Variants in SLC35E1 observed in about 807,000 individuals in gnomAD.
SLC35E1 encodes the protein solute carrier family 35 member E1, also known as solute carrier family 35, member E1.
Under a neutral mutation model 31.0 loss-of-function variants are expected in SLC35E1, and 12 were observed. That is an observed-to-expected ratio of 0.39 (90% CI 0.25 to 0.63). SLC35E1 has a LOEUF of 0.63. Ranked by LOEUF, SLC35E1 falls within the 20% of genes least tolerant of loss-of-function variation. The pLI is 0.52. For synonymous variants in SLC35E1, 257 were observed against 264.1 expected, an observed-to-expected ratio of 0.97 and a Z score of 0.26; for missense variants, 429 against 572.2, an observed-to-expected ratio of 0.75 and a Z score of 2.55.
In SLC35E1 at chr19:16,552,901, TCAC is replaced by T. The variant is rs1336849563; in HGVS notation, c.*775_*777del. Reference sequence around the variant, plus strand: ...GAACACGATTTCTCGAAGATCCTTCTCACCACCCCAAGAGAAGCGCCCTGCTCT... The same window carrying T: ...GAACACGATTTCTCGAAGATCCTTCTCACCCCAAGAGAAGCGCCCTGCTCT... On this transcript the variant is annotated 3_prime_UTR_variant, in exon 6 of 6. Coordinates refer to ENST00000595753, the MANE Select transcript of SLC35E1 (RefSeq NM_024881.5). 6.6e-6 allele frequency: 1 copy of T among 152,156 alleles called. No individual in the cohort carries two copies. Among genetic ancestry groups the T allele is most frequent in the Admixed American group, 6.6e-5 (1 of 15,266 alleles). 9.4% of individuals were successfully genotyped at this position (152,156 alleles called of 1,614,324 possible).
chr19:16,567,962 C>A, intron 3 of SLC35E1, 70 bp downstream of exon 3: 2 of 1,467,518 alleles, frequency 1.4e-6, no homozygotes, highest in South Asian at 1.4e-5. Context: ...GCCTGTTTTC[C>A]CAATGCCACC....
Position 16,566,444 on chromosome 19 carries a change from T to C in SLC35E1, c.756+88A>G, listed in dbSNP as rs758664061. On this transcript the variant is annotated intron_variant, in intron 4 of 5. Transcript: ENST00000595753. ...GTCAGGTGCCCAAAAGATACCACAA[T>C]GTTAACATGCAGCTACAGCTCCTCA... 34 of 1,571,288 alleles carry C rather than the reference T, an allele frequency of 2.2e-5. No homozygotes were observed. The African/African-American group carries it at 3.3e-4, about 15-fold the overall frequency.
intron 3 of SLC35E1, 60 bp from the exon 4 acceptor site, chr19:16,566,717 A>G: frequency 6.4e-7 from 1 of 1,565,878 alleles, no homozygotes; most frequent in East Asian, 2.3e-5. Context: ...AAAGGGCTCC[A>G]GTGACTCAGG....
At chr19:16,556,438 G>A (rs1229982079) in intron 4 of SLC35E1, among the ~76,000 whole-genome samples, 1 of 152,148 alleles carries the variant, frequency 6.6e-6, no homozygotes, top group East Asian at 1.9e-4. Context: ...GAGCCTAGGA[G>A]TTCAAGGCTA....
chr19:16,561,239 A>AAAAAAAAAAAAAAAAAAAAAAAAAG (rs1189145208), intron 4 of SLC35E1, among the ~76,000 whole-genome samples: 2 of 140,974 alleles, frequency 1.4e-5, no homozygotes, highest in Non-Finnish European at 3.1e-5. Context: ...AAAAAAAAAA[A>AAAAAAAAAAAAAAAAAAAAAAAAAG]AAAAGAAAGA....
intron 4 of SLC35E1, among the ~76,000 whole-genome samples, chr19:16,560,881 C>CAAAAAAAAAAAAAAAAAAAAAAAA (rs1304202019): frequency 1.5e-5 from 1 of 68,058 alleles, no homozygotes; most frequent in African/African-American, 6.0e-5. Flanking sequence ...AAAAAAAAAC[C>CAAAAAAAAAAAAAAAAAAAAAAAA]AAAAAAAAAA....
At chr19:16,556,801 C>T in intron 4 of SLC35E1, 1 of 465,786 alleles carries the variant, frequency 2.1e-6, no homozygotes, top group South Asian at 1.6e-5. Context: ...CTGACTCCAT[C>T]TCCACTGCAC....
intron 4 of SLC35E1, among the ~76,000 whole-genome samples, chr19:16,559,485 CACACACACACACACAG>C (rs1197304189): frequency 6.6e-6 from 1 of 151,252 alleles, no homozygotes; most frequent in African/African-American, 2.4e-5. Flanking sequence ...CACACACACA[CACACACACACACACAG>C]AGTTAACCAG....
intron 5 of SLC35E1, among the ~76,000 whole-genome samples, chr19:16,554,267 GAAAAAAAAA>G (rs778901992): frequency 1.9e-5 from 1 of 51,692 alleles, no homozygotes; most frequent in Non-Finnish European, 3.8e-5. Context: ...CGCTGTCTCA[GAAAAAAAAA>G]AAAAAAAAAA....
In SLC35E1 at chr19:16,550,501, T is replaced by A. The variant is rs1425563923; in HGVS notation, c.*3178A>T. 1 of 152,208 alleles carries A rather than the reference T, an allele frequency of 6.6e-6. No individual in the cohort carries two copies. Among genetic ancestry groups the A allele is most frequent in the African/African-American group, 2.4e-5 (1 of 41,422 alleles). The allele number at this position is 152,208 out of a possible 1,614,324, so 9.4% of individuals were successfully genotyped here. A position where few individuals can be genotyped will look rare whatever the true frequency, so the allele number is the denominator to read the frequency against. ...ATCCTAGCACTTTGGGAGGCCAAGGTGGGCGGATCATTTGAGGCCAGGAGT... is the reference window on the plus strand; with the variant it reads ...ATCCTAGCACTTTGGGAGGCCAAGGAGGGCGGATCATTTGAGGCCAGGAGT... On this transcript the variant is annotated 3_prime_UTR_variant, in exon 6 of 6. Coordinates refer to ENST00000595753, the MANE Select transcript of SLC35E1 (RefSeq NM_024881.5).
In SLC35E1 at chr19:16,571,499, T is replaced by A; in HGVS notation, c.492+13A>T. ...GGAGCTCCCATCTGCCCAGAGTCCC[T>A]GCCCGGGGTTACCTTGGTGCTCTGC... On this transcript the variant is annotated intron_variant, in intron 2 of 5. Coordinates refer to ENST00000595753, the MANE Select transcript of SLC35E1 (RefSeq NM_024881.5). 6.2e-7 allele frequency: 1 copy of A among 1,613,702 alleles called. No homozygotes were observed. The highest frequency in any genetic ancestry group is 8.5e-7 in the Non-Finnish European group (1 of 1,179,750).
chr19:16,560,555 G>A (rs1308124671), intron 4 of SLC35E1, among the ~76,000 whole-genome samples: 1 of 152,056 alleles, frequency 6.6e-6, no homozygotes, highest in African/African-American at 2.4e-5. Flanking sequence ...AGGCAAAAAA[G>A]AAAATAGAAA....
At chr19:16,559,496 ACAC>A (rs1280730618) in intron 4 of SLC35E1, among the ~76,000 whole-genome samples, 2 of 151,108 alleles carry the variant, frequency 1.3e-5, no homozygotes, top group Non-Finnish European at 2.9e-5. Flanking sequence ...ACACACACAC[ACAC>A]AGAGTTAACC....
In SLC35E1 at chr19:16,566,653, A is replaced by G; in HGVS notation, c.635T>C (p.Leu212Ser). The G allele has an allele frequency of 6.2e-7, 1 of 1,611,566 alleles. No homozygotes were observed. The highest frequency in any genetic ancestry group is 8.5e-7 in the Non-Finnish European group (1 of 1,179,712). The stretch of plus-strand genomic sequence containing the variant: ...GAGATGGTGGATCCGTGAATCTCGC[A>G]AGACCTGGAAAGGGAAAGCCTCTTT... ...SLQNIFSKKV[L>S]RDSRIHHLRL... The change falls in exon 4 of 6, where the codon TTG (leucine) becomes TCG (serine). Residue 212 changes from leucine (L) to serine (S), a missense_variant. By Grantham distance (145) the Leu-to-Ser change is moderately radical. Coordinates refer to ENST00000595753, the MANE Select transcript of SLC35E1 (RefSeq NM_024881.5).
chr19:16,557,259 T>A (rs1317956058), intron 4 of SLC35E1: 2 of 264,716 alleles, frequency 7.6e-6, no homozygotes, highest in African/African-American at 2.3e-5. Context: ...AGTGGCGCGA[T>A]CTCTGCTCAC....
intron 2 of SLC35E1, among the ~76,000 whole-genome samples, chr19:16,570,595 C>T (rs1028309015): frequency 1.3e-5 from 2 of 152,192 alleles, no homozygotes; most frequent in African/African-American, 4.8e-5. Context: ...CCTGGCTTGG[C>T]ATCTTGAACA....
At chr19:16,567,984 C>A in intron 3 of SLC35E1, 48 bp downstream of exon 3, 1 of 1,490,108 alleles carries the variant, frequency 6.7e-7, no homozygotes, top group Admixed American at 2.3e-5. Context: ...GTTTGCTGCC[C>A]GCACACCCCT....
intron 4 of SLC35E1, among the ~76,000 whole-genome samples, chr19:16,556,287 T>C (rs2085874733): frequency 6.8e-6 from 1 of 147,496 alleles, no homozygotes; most frequent in African/African-American, 2.5e-5. Flanking sequence ...TCTGGGAGGC[T>C]AAGGAAAAAA....
rs1289293305 is a variant in SLC35E1, at chr19:16,553,831, G to A, written c.1081C>T (p.His361Tyr). The A allele has an allele frequency of 2.5e-6, 4 of 1,614,094 alleles. No individual in the cohort carries two copies. The Admixed American group carries it at 6.7e-5, about 27-fold the overall frequency. The change falls in exon 6 of 6, where the codon CAC (histidine) becomes TAC (tyrosine). Residue 361 changes from histidine to tyrosine, a missense_variant. Transcript: ENST00000595753. ...TGGGGCTTCTCCAGTGGGCTCCGGT[G>A]ACGCTCCTTGCTGCTCAGGTCTGCT... ...TTADLSSKER[H>Y]RSPLEKPHNG...
Sources: gnomAD v4.1 joint callset for allele counts (sites outside exome capture counted in the v4.1 genomes callset) on GRCh38, gnomAD v4.1.1 for gene constraint, MANE v1.5 for transcripts, NCBI Gene and HGNC (gene_info 2026-07-23, HGNC 2026-07-21) for gene names.